Variants in PDS5B observed in about 807,000 individuals in gnomAD.
PDS5B encodes sister chromatid cohesion protein PDS5 homolog B.
PDS5B carries 51 observed loss-of-function variants against 184.1 expected under a neutral mutation model. The ratio of observed to expected loss-of-function variants is 0.28; its 90% confidence interval spans 0.22 to 0.35. The LOEUF (loss-of-function observed/expected upper bound fraction) is 0.35. PDS5B is among the 10% of genes least tolerant of loss of function. The pLI, the probability that PDS5B is intolerant of heterozygous loss-of-function variation, is 1.00. For missense variants in PDS5B, 1,180 were observed against 1,723.3 expected (o/e 0.68, Z 5.58); for synonymous variants, 566 against 569.2 (o/e 0.99, Z 0.08).
At chr13:32,660,679 G>A (rs2140706806) in intron 6 of PDS5B, among the ~76,000 whole-genome samples, 1 of 152,318 alleles carries the variant, frequency 6.6e-6, no homozygotes. Flanking sequence ...GATTGTCGTG[G>A]AGAAGACTTT....
intron 19 of PDS5B, among the ~76,000 whole-genome samples, chr13:32,725,502 G>C (rs1051866080): frequency 6.6e-6 from 1 of 152,012 alleles, no homozygotes; most frequent in African/African-American, 2.4e-5. Flanking sequence ...TTCTCCGAGG[G>C]GCTCTGGTTC....
intron 33 of PDS5B, 112 bp downstream of exon 33, chr13:32,770,873 C>A: frequency 1.3e-6 from 1 of 747,614 alleles, no homozygotes; most frequent in Non-Finnish European, 2.2e-6. Flanking sequence ...AGCCCCATTA[C>A]ACTAGGTAAG....
Position 32,735,364 on chromosome 13 carries a change from A to G in PDS5B, c.2406+34A>G, listed in dbSNP as rs1953294054. 2.0e-6 allele frequency: 3 copies of G among 1,505,622 alleles called. No homozygotes were observed. The East Asian group carries it at 6.9e-5, about 35-fold the overall frequency. 93.3% of individuals were successfully genotyped at this position (1,505,622 alleles called of 1,614,324 possible). On this transcript the variant is annotated intron_variant, in intron 21 of 34. Transcript: ENST00000315596. ...TATTTTTTAGATTCATGTTCTTTGT[A>G]ATGTTAACTTTTGCAATTTTATCCA...
At chr13:32,629,388 C>A (rs2058421470) in intron 1 of PDS5B, among the ~76,000 whole-genome samples, 1 of 151,692 alleles carries the variant, frequency 6.6e-6, no homozygotes, top group Non-Finnish European at 1.5e-5. Flanking sequence ...ACATTGGATA[C>A]CTTGTGTTGG....
At chr13:32,663,109 C>G (rs7334787) in intron 6 of PDS5B, among the ~76,000 whole-genome samples, 310 of 152,134 alleles carry the variant, frequency 2.0e-3, no homozygotes, top group African/African-American at 7.3e-3. Flanking sequence ...TTTCAAACAA[C>G]AATAGCAACG....
chr13:32,730,026 A>G (rs1196817715), intron 19 of PDS5B, among the ~76,000 whole-genome samples: 2 of 151,892 alleles, frequency 1.3e-5, no homozygotes, highest in East Asian at 1.9e-4. Context: ...GCCCATGCCT[A>G]TGTCCTGAAT....
chr13:32,673,271 A>C lies in PDS5B; in HGVS notation c.761A>C (p.His254Pro). Residue 254 changes from histidine (H) to proline (P), a missense_variant, in exon 8 of 35, where the codon CAT (histidine) becomes CCT (proline). Physicochemically the swap from His to Pro is moderately conservative, Grantham distance 77. This residue lies in a region of PDS5B where 79 missense variants were observed against 124.6 expected (regional missense o/e 0.63). Coordinates refer to ENST00000315596, the MANE Select transcript of PDS5B (RefSeq NM_015032.4). ...ACATCTATCAGCGATTTGTCAGAGC[A>C]TGTCTTTGACTTAATTTTGGAGCTC... is the stretch of plus-strand genomic sequence containing the variant. ...GKTSISDLSE[H>P]VFDLILELYN... The C allele has an allele frequency of 6.2e-7, 1 of 1,613,092 alleles. No homozygotes were observed. Among genetic ancestry groups the C allele is most frequent in the Non-Finnish European group, 8.5e-7 (1 of 1,179,278 alleles).
At position 32,773,172 on chromosome 13, in the gene PDS5B, C is replaced by T; in HGVS notation, c.4173-17C>T. 1.3e-6 allele frequency: 2 copies of T among 1,578,892 alleles called. No homozygotes were observed. The highest frequency in any genetic ancestry group is 1.7e-6 in the Non-Finnish European group (2 of 1,166,848). On this transcript the variant is annotated splice_polypyrimidine_tract_variant and intron_variant, in intron 33 of 34. Coordinates refer to ENST00000315596, the MANE Select transcript of PDS5B (RefSeq NM_015032.4). ...AGATTGGAACGTTCATTGTGTTTTA[C>T]ATGTGTTTTACTCTAGCCGTGTAGG...
intron 9 of PDS5B, among the ~76,000 whole-genome samples, chr13:32,677,873 A>G (rs1172784364): frequency 6.6e-6 from 1 of 152,144 alleles, no homozygotes; most frequent in African/African-American, 2.4e-5. Context: ...CTTGATACTT[A>G]ATTTTTTTAA....
At chr13:32,639,193 G>T (rs7335992) in intron 1 of PDS5B, among the ~76,000 whole-genome samples, 11,335 of 152,162 alleles carry the variant, frequency 0.074, 523 homozygotes, top group East Asian at 0.19. Flanking sequence ...ACTGATGCAG[G>T]TCGAGATATT....
intron 19 of PDS5B, among the ~76,000 whole-genome samples, chr13:32,721,484 C>A (rs569035397): frequency 6.7e-5 from 10 of 149,378 alleles, no homozygotes; most frequent in Admixed American, 2.0e-4. Flanking sequence ...AGTTTCCAGA[C>A]GGGGTCGTGG....
chr13:32,647,296 ATTCT>A (rs1950252737), intron 1 of PDS5B, among the ~76,000 whole-genome samples: 1 of 151,536 alleles, frequency 6.6e-6, no homozygotes, highest in South Asian at 2.1e-4. Context: ...CTTTCACTTC[ATTCT>A]TTCTTTTTTG....
chr13:32,728,744 C>A (rs1455963907), intron 19 of PDS5B, among the ~76,000 whole-genome samples: 1 of 152,172 alleles, frequency 6.6e-6, no homozygotes, highest in Non-Finnish European at 1.5e-5. Context: ...CATTTCTCTG[C>A]TACCTGTTCC....
chr13:32,616,675 C>T (rs889955894), intron 1 of PDS5B, among the ~76,000 whole-genome samples: 2 of 152,256 alleles, frequency 1.3e-5, no homozygotes, highest in Non-Finnish European at 2.9e-5. Context: ...ATGCTGAAGC[C>T]TTCTCTACCT....
chr13:32,661,577 A>G (rs912993750), intron 6 of PDS5B, among the ~76,000 whole-genome samples: 1 of 152,028 alleles, frequency 6.6e-6, no homozygotes, highest in African/African-American at 2.4e-5. Flanking sequence ...AGAATAACAA[A>G]TGGAGAATTG....
chr13:32,709,639 C>T (rs1240364919), intron 18 of PDS5B, among the ~76,000 whole-genome samples: 1 of 151,944 alleles, frequency 6.6e-6, no homozygotes, highest in Non-Finnish European at 1.5e-5. Context: ...CCCTTTTCTC[C>T]TCTCATTCCC....
intron 3 of PDS5B, among the ~76,000 whole-genome samples, chr13:32,652,760 A>T (rs1252498068): frequency 1.7e-5 from 1 of 58,328 alleles, no homozygotes; most frequent in Admixed American, 1.7e-4. Context: ...TCTCTATTAA[A>T]AAAAAAAAAA....
At position 32,682,220 on chromosome 13, in the gene PDS5B, A is replaced by G. The variant is rs535071028; in HGVS notation, c.1058-1658A>G. 4.1e-3 allele frequency among the ~76,000 whole-genome samples: 631 copies of G among 152,284 alleles called. 6 individuals carry two copies. Among genetic ancestry groups the G allele is most frequent in the African/African-American group, 0.014 (588 of 41,554 alleles). ...AGTGTAATTAGCTTAAAATATACAG[A>G]TCCTGAGTGTTCAGTTTGATGTTTG... On this transcript the variant is annotated intron_variant, in intron 10 of 34. Coordinates refer to ENST00000315596, the MANE Select transcript of PDS5B (RefSeq NM_015032.4).
In PDS5B at chr13:32,722,823, C is replaced by G. The variant is rs116484025; in HGVS notation, c.2124-9278C>G. Among the ~76,000 whole-genome samples, 935 of 152,330 alleles carry G rather than the reference C, an allele frequency of 6.1e-3. 17 individuals carry two copies. The highest frequency in any genetic ancestry group is 0.022 in the African/African-American group (903 of 41,578). ...AGCCCTGTCAGTATCACCCAACAGA[C>G]TGCCAAAGTATGGCATGGCCTGGCT... On this transcript the variant is annotated intron_variant, in intron 19 of 34. Transcript: ENST00000315596.
Sources: gnomAD v4.1 joint callset for allele counts (sites outside exome capture counted in the v4.1 genomes callset) on GRCh38, gnomAD v4.1.1 for gene constraint, gnomAD v4.1.1 regional missense constraint, MANE v1.5 for transcripts, NCBI Gene and HGNC (gene_info 2026-07-23, HGNC 2026-07-21) for gene names.